GPC5: variants seen among roughly 807,000 people sequenced by gnomAD.
GPC5 encodes the protein glypican-5.
Under a neutral mutation model 53.9 loss-of-function variants are expected in GPC5, and 47 were observed. That is an observed-to-expected ratio of 0.87 (90% CI 0.69 to 1.11). The LOEUF (loss-of-function observed/expected upper bound fraction) is 1.11. GPC5 is among the 50% of genes most tolerant of loss of function. The pLI is 0.00. For synonymous variants in GPC5, 286 were observed against 263.3 expected, an observed-to-expected ratio of 1.09 and a Z score of -0.84; for missense variants, 748 against 713.1, an observed-to-expected ratio of 1.05 and a Z score of -0.56.
At chr13:91,967,114 G>T (rs2040188429) in intron 6 of GPC5, among the ~76,000 whole-genome samples, 1 of 152,188 alleles carries the variant, frequency 6.6e-6, no homozygotes, top group South Asian at 2.1e-4. Flanking sequence ...GGCAGAAGGT[G>T]AAAGCCGTGT....
At chr13:92,202,378 T>G (rs539960694) in intron 7 of GPC5, among the ~76,000 whole-genome samples, 3 of 152,308 alleles carry the variant, frequency 2.0e-5, no homozygotes, top group African/African-American at 7.2e-5. Flanking sequence ...TCAGACAGAT[T>G]AGTGAGGCAA....
chr13:92,170,727 A>G (rs1188820665), intron 7 of GPC5, among the ~76,000 whole-genome samples: 2 of 152,078 alleles, frequency 1.3e-5, no homozygotes, highest in African/African-American at 4.8e-5. Context: ...GCCCAGCTAA[A>G]GCAAGATTTT....
intron 7 of GPC5, among the ~76,000 whole-genome samples, chr13:92,859,895 T>C (rs1175109709): frequency 6.6e-6 from 1 of 152,138 alleles, no homozygotes; most frequent in African/African-American, 2.4e-5. Context: ...GTGACCATTA[T>C]TGGATGAAAT....
At chr13:92,852,209 TAAAGAAAACACTCAC>T (rs1878836557) in intron 7 of GPC5, among the ~76,000 whole-genome samples, 1 of 152,082 alleles carries the variant, frequency 6.6e-6, no homozygotes. Flanking sequence ...TGGGCTAGTT[TAAAGAAAACACTCAC>T]AAAGAGGGGA....
chr13:91,746,829 CTATT>C lies in GPC5; in HGVS notation c.1155-9461_1155-9458del, dbSNP rs141123157. Among the ~76,000 whole-genome samples, 884 of 152,254 alleles carry C rather than the reference CTATT, an allele frequency of 5.8e-3. 8 individuals are homozygous for C. The highest frequency in any genetic ancestry group is 0.02 in the African/African-American group (820 of 41,558). ...TATACAGCTAATTAAAAATAAGACT[CTATT>C]TATTAACCTGAAAGGGCTTCATCAT... On this transcript the variant is annotated intron_variant, in intron 4 of 7. Transcript: ENST00000377067.
intron 5 of GPC5, among the ~76,000 whole-genome samples, chr13:91,853,691 T>G (rs1353498166): frequency 2.6e-5 from 4 of 152,026 alleles, no homozygotes; most frequent in African/African-American, 9.6e-5. Context: ...ATATTTTAAC[T>G]TAAAAGGATC....
intron 6 of GPC5, among the ~76,000 whole-genome samples, chr13:92,072,288 A>G (rs1239724095): frequency 6.6e-6 from 1 of 151,156 alleles, no homozygotes; most frequent in Admixed American, 6.6e-5. Context: ...ATTTTTTGAG[A>G]CAGATTCTCC....
intron 2 of GPC5, among the ~76,000 whole-genome samples, chr13:91,640,205 T>C (rs2034390124): frequency 6.6e-6 from 1 of 152,304 alleles, no homozygotes; most frequent in Non-Finnish European, 1.5e-5. Context: ...ACAGGAAACC[T>C]ACAGAGTGGG....
At chr13:92,597,789 T>G (rs897373762) in intron 7 of GPC5, among the ~76,000 whole-genome samples, 1 of 152,238 alleles carries the variant, frequency 6.6e-6, no homozygotes, top group African/African-American at 2.4e-5. Flanking sequence ...ATGTTAGCCC[T>G]TCTCTATGCC....
chr13:92,445,912 G>A (rs1877801466), intron 7 of GPC5, among the ~76,000 whole-genome samples: 2 of 152,022 alleles, frequency 1.3e-5, no homozygotes, highest in South Asian at 4.1e-4. Context: ...TTATAGGCAT[G>A]AGCCACTGTG....
chr13:92,559,666 C>G (rs1321352995), intron 7 of GPC5, among the ~76,000 whole-genome samples: 1 of 151,640 alleles, frequency 6.6e-6, no homozygotes, highest in Non-Finnish European at 1.5e-5. Flanking sequence ...TTCAAACTAG[C>G]TAGTCCGAAA....
intron 7 of GPC5, among the ~76,000 whole-genome samples, chr13:92,249,673 T>G (rs9584006): frequency 0.56 from 85,573 of 151,756 alleles, 24,387 homozygotes; most frequent in South Asian, 0.65. Context: ...AATGGTTTAG[T>G]ATATTTGAGT....
At chr13:92,523,628 C>T (rs1433610513) in intron 7 of GPC5, among the ~76,000 whole-genome samples, 1 of 151,998 alleles carries the variant, frequency 6.6e-6, no homozygotes, top group Non-Finnish European at 1.5e-5. Flanking sequence ...TTAAATTAAT[C>T]TGTTTAACAT....
At chr13:91,710,156 G>C (rs7991243) in intron 3 of GPC5, among the ~76,000 whole-genome samples, 11,107 of 152,154 alleles carry the variant, frequency 0.073, 480 homozygotes, top group East Asian at 0.24. Flanking sequence ...TTTGTCATTT[G>C]TTTATCCCCA....
At chr13:91,441,774 T>C (rs2139069737) in intron 1 of GPC5, among the ~76,000 whole-genome samples, 1 of 152,330 alleles carries the variant, frequency 6.6e-6, no homozygotes, top group Non-Finnish European at 1.5e-5. Flanking sequence ...CTTGGATGTA[T>C]ACAAAGAAGA....
intron 5 of GPC5, among the ~76,000 whole-genome samples, chr13:91,859,872 A>G (rs1166387099): frequency 6.6e-6 from 1 of 151,926 alleles, no homozygotes; most frequent in African/African-American, 2.4e-5. Flanking sequence ...TACCCTCTCA[A>G]TTTAACTCTA....
chr13:92,696,818 T>G (rs926555978), intron 7 of GPC5, among the ~76,000 whole-genome samples: 1 of 152,234 alleles, frequency 6.6e-6, no homozygotes, highest in Non-Finnish European at 1.5e-5. Context: ...TTCTGGGGTT[T>G]TTATGGTTTT....
At chr13:92,323,057 T>G in intron 7 of GPC5, among the ~76,000 whole-genome samples, 1 of 151,600 alleles carries the variant, frequency 6.6e-6, no homozygotes, top group South Asian at 2.1e-4. Flanking sequence ...TTAAAATCTA[T>G]ATTATATAAT....
chr13:91,804,796 G>A (rs1594580113), intron 5 of GPC5, among the ~76,000 whole-genome samples: 2 of 152,282 alleles, frequency 1.3e-5, no homozygotes, highest in Admixed American at 1.3e-4. Flanking sequence ...AGAAAGACCT[G>A]CCCATTACAG....
Sources: gnomAD v4.1 joint callset for allele counts (sites outside exome capture counted in the v4.1 genomes callset) on GRCh38, gnomAD v4.1.1 for gene constraint, MANE v1.5 for transcripts, NCBI Gene and HGNC (gene_info 2026-07-23, HGNC 2026-07-21) for gene names.